The following PTPRZ1 variants were observed in gnomAD, a reference collection of about 807,000 sequenced individuals.
The protein encoded by PTPRZ1 is protein tyrosine phosphatase receptor type Z1.
In PTPRZ1, 82 loss-of-function variants were observed where a neutral mutation model predicts 214.1. That is an observed-to-expected ratio of 0.38 (90% CI 0.32 to 0.46). The LOEUF (loss-of-function observed/expected upper bound fraction) is 0.46. PTPRZ1 is among the 20% of genes least tolerant of loss of function. PTPRZ1 has a pLI of 1.00. For synonymous variants in PTPRZ1, 945 were observed against 987.9 expected (o/e 0.96, Z 0.81); for missense variants, 2,603 against 2,748.7 (o/e 0.95, Z 1.19).
intron 1 of PTPRZ1, among the ~76,000 whole-genome samples, chr7:121,900,044 G>A (rs569092169): frequency 1.4e-4 from 21 of 152,228 alleles, no homozygotes; most frequent in Middle Eastern, 6.8e-3. Flanking sequence ...AGATGTGAGA[G>A]GGTCAATTAC....
intron 11 of PTPRZ1, among the ~76,000 whole-genome samples, chr7:122,010,118 C>T (rs556950502): frequency 3.9e-5 from 6 of 152,100 alleles, no homozygotes; most frequent in East Asian, 1.9e-4. Context: ...AAAATAAAGG[C>T]GGCCATAAAT....
At chr7:121,980,097 T>C (rs774627357) in intron 6 of PTPRZ1, among the ~76,000 whole-genome samples, 2 of 152,158 alleles carry the variant, frequency 1.3e-5, no homozygotes, top group Non-Finnish European at 2.9e-5. Context: ...TCTTTCCCAA[T>C]AATAGGAAAA....
chr7:122,035,430 A>T (rs952057044), intron 17 of PTPRZ1, among the ~76,000 whole-genome samples: 11 of 152,216 alleles, frequency 7.2e-5, no homozygotes, highest in Admixed American at 2.0e-4. Context: ...AGCTAAATAG[A>T]ACATACGCAT....
At position 121,984,772 on chromosome 7, in the gene PTPRZ1, C is replaced by G. The variant is rs372744485; in HGVS notation, c.928+655C>G. Reference sequence around the variant, plus strand: ...GGGAAATGACACCAGAGGGGTGTCTCTAGAATGCCGTCTGTTTTTTGAAGC... The same window carrying G: ...GGGAAATGACACCAGAGGGGTGTCTGTAGAATGCCGTCTGTTTTTTGAAGC... On this transcript the variant is annotated intron_variant, in intron 8 of 29. Coordinates refer to ENST00000393386, the MANE Select transcript of PTPRZ1 (RefSeq NM_002851.3). Among the ~76,000 whole-genome samples, 3 of 151,872 alleles carry G rather than the reference C, an allele frequency of 2.0e-5. No individual in the cohort carries two copies. The East Asian group carries it at 5.8e-4, about 29-fold the overall frequency.
At chr7:122,016,732 G>A (rs1378900201) in intron 12 of PTPRZ1, among the ~76,000 whole-genome samples, 3 of 151,234 alleles carry the variant, frequency 2.0e-5, no homozygotes, top group African/African-American at 7.3e-5. Context: ...TCATATATAT[G>A]TATGCTATAC....
chr7:121,906,552 A>C (rs1034789726), intron 1 of PTPRZ1, among the ~76,000 whole-genome samples: 1 of 152,190 alleles, frequency 6.6e-6, no homozygotes, highest in Admixed American at 6.6e-5. Context: ...ATTAAGCTTC[A>C]TAAGAAATAT....
At chr7:122,034,935 A>T (rs1268861035) in intron 17 of PTPRZ1, among the ~76,000 whole-genome samples, 1 of 151,544 alleles carries the variant, frequency 6.6e-6, no homozygotes, top group Admixed American at 6.6e-5. Flanking sequence ...TCATTAGTGC[A>T]ATTTTACGTA....
chr7:121,911,431 C>CT (rs1422065163), intron 1 of PTPRZ1, among the ~76,000 whole-genome samples: 3 of 151,892 alleles, frequency 2.0e-5, no homozygotes, highest in Non-Finnish European at 4.4e-5. Context: ...AAATAAAGTC[C>CT]TTTTTTCTTG....
In PTPRZ1 at chr7:122,011,427, T is replaced by C. The variant is rs759347790; in HGVS notation, c.2381T>C (p.Leu794Ser). The C allele has an allele frequency of 1.2e-6, 2 of 1,614,180 alleles. No homozygotes were observed. Among genetic ancestry groups the C allele is most frequent in the South Asian group, 2.2e-5 (2 of 91,082 alleles). ...TPAASSSDSA[L>S]HATPVFPSVD... Reference sequence around the variant, plus strand: ...GCTGCTTCAAGTAGTGATTCGGCCTTGCATGCTACGCCTGTATTTCCCAGT... The same window carrying C: ...GCTGCTTCAAGTAGTGATTCGGCCTCGCATGCTACGCCTGTATTTCCCAGT... The change falls in exon 12 of 30, where the codon TTG becomes TCG. Residue 794 changes from leucine (L) to serine (S), a missense_variant. This residue lies in a region of PTPRZ1 where 1,913 missense variants were observed against 1,914.3 expected (regional missense o/e 1.00). Transcript: ENST00000393386.
chr7:122,039,021 A>AAGTGTAGAAGTCAAGAAAGCCCT, intron 19 of PTPRZ1, 132 bp downstream of exon 19: 1 of 960,666 alleles, frequency 1.0e-6, no homozygotes, highest in Middle Eastern at 3.0e-4. Context: ...AGTAAATATG[A>AAGTGTAGAAGTCAAGAAAGCCCT]CAGCTAAAGG....
At position 121,895,127 on chromosome 7, in the gene PTPRZ1, T is replaced by C. The variant is rs1007765466; in HGVS notation, c.58+21570T>C. On this transcript the variant is annotated intron_variant, in intron 1 of 29. Transcript: ENST00000393386. The stretch of plus-strand genomic sequence containing the variant: ...GATATCCAAATGCTTTAAAAGGGTA[T>C]ATTATTTCTTTCTCTTCTAAAACAG... Among the ~76,000 whole-genome samples the C allele has an allele frequency of 9.8e-5, 15 of 152,330 alleles. 1 individual carries two copies. The highest frequency in any genetic ancestry group is 9.8e-4 in the Admixed American group (15 of 15,310).
At chr7:122,055,606 T>C (rs553510180) in intron 27 of PTPRZ1, among the ~76,000 whole-genome samples, 2 of 151,970 alleles carry the variant, frequency 1.3e-5, no homozygotes, top group East Asian at 3.9e-4. Flanking sequence ...CTAAGAATAT[T>C]TTACTAAAGT....
intron 1 of PTPRZ1, among the ~76,000 whole-genome samples, chr7:121,910,457 T>TG (rs1465728606): frequency 4.6e-5 from 7 of 152,198 alleles, no homozygotes; most frequent in African/African-American, 1.4e-4. Flanking sequence ...TTTGGATGGC[T>TG]GGGGGGTCCA....
In PTPRZ1 at chr7:122,012,956, C is replaced by T. The variant is rs1584742029; in HGVS notation, c.3910C>T (p.His1304Tyr). 1 of 1,614,030 alleles carries T rather than the reference C, an allele frequency of 6.2e-7. No homozygotes were observed. Among genetic ancestry groups the T allele is most frequent in the East Asian group, 2.2e-5 (1 of 44,872 alleles). ...QTANLEINQA[H>Y]PPKGRHVFAT... The stretch of plus-strand genomic sequence containing the variant: ...GGCCAATTTGGAGATTAACCAGGCC[C>T]ATCCCCCAAAAGGAAGGCATGTATT... Residue 1304 changes from histidine to tyrosine, a missense_variant, in exon 12 of 30, where the codon CAT becomes TAT. This residue lies in a region of PTPRZ1 where 1,913 missense variants were observed against 1,914.3 expected (regional missense o/e 1.00). Coordinates refer to ENST00000393386, the MANE Select transcript of PTPRZ1 (RefSeq NM_002851.3).
At chr7:121,967,588 A>G (rs1220097147) in intron 2 of PTPRZ1, among the ~76,000 whole-genome samples, 1 of 152,194 alleles carries the variant, frequency 6.6e-6, no homozygotes, top group Non-Finnish European at 1.5e-5. Context: ...CCATTGCTGA[A>G]CCCTGAACTT....
intron 2 of PTPRZ1, among the ~76,000 whole-genome samples, chr7:121,946,486 A>G (rs924997373): frequency 2.4e-4 from 37 of 152,212 alleles, no homozygotes; most frequent in African/African-American, 8.7e-4. Context: ...AAAAGAGACA[A>G]CTGACAACAA....
At chr7:122,038,658 A>T (rs546986177) in intron 18 of PTPRZ1, 97 bp from the exon 19 acceptor site, 1 of 1,203,096 alleles carries the variant, frequency 8.3e-7, no homozygotes, top group South Asian at 2.1e-5. Flanking sequence ...GTTTTCTTTT[A>T]CGAAAAATTA....
At chr7:121,966,145 T>G (rs184298248) in intron 2 of PTPRZ1, among the ~76,000 whole-genome samples, 3 of 152,132 alleles carry the variant, frequency 2.0e-5, no homozygotes, top group Non-Finnish European at 2.9e-5. Context: ...TCAAAGACTG[T>G]GTGGAAGGAG....
At chr7:122,028,748 T>C (rs1172835153) in intron 14 of PTPRZ1, 105 bp downstream of exon 14, 5 of 829,092 alleles carry the variant, frequency 6.0e-6, no homozygotes, top group South Asian at 1.7e-5. Context: ...TGCTATAATG[T>C]AGATTAGTAA....
Sources: allele counts gnomAD v4.1 joint callset (sites outside exome capture counted in the v4.1 genomes callset), GRCh38; gene constraint gnomAD v4.1.1; regional missense constraint gnomAD v4.1.1; transcripts MANE v1.5; gene names NCBI Gene and HGNC (gene_info 2026-07-23, HGNC 2026-07-21).